NRG3: variants seen among roughly 807,000 people sequenced by gnomAD.
NRG3 encodes the protein neuregulin 3.
A neutral mutation model predicts 66.9 loss-of-function variants in NRG3; 31 were observed. That is an observed-to-expected ratio of 0.46 (90% confidence interval 0.35 to 0.63). NRG3 has a LOEUF of 0.63. Ranked by LOEUF, NRG3 falls within the 20% of genes least tolerant of loss-of-function variation. The pLI is 0.00. For synonymous variants in NRG3, 393 were observed against 359.4 expected, an observed-to-expected ratio of 1.09 and a Z score of -1.06; for missense variants, 910 against 878.9, an observed-to-expected ratio of 1.04 and a Z score of -0.45.
Position 81,887,409 on chromosome 10 carries a change from A to G in NRG3, c.823+11246A>G, listed in dbSNP as rs552727438. 5.9e-5 allele frequency among the ~76,000 whole-genome samples: 9 copies of G among 152,280 alleles called. 1 individual carries two copies. Among genetic ancestry groups the G allele is most frequent in the Middle Eastern group, 3.4e-3 (1 of 294 alleles). On this transcript the variant is annotated intron_variant, in intron 1 of 8. Transcript: ENST00000372141. ...ACAAGGATATAGCCAACAGAAATCAATAAGTTATATACACATATTAATCAA... is the reference window on the plus strand; with the variant it reads ...ACAAGGATATAGCCAACAGAAATCAGTAAGTTATATACACATATTAATCAA...
chr10:82,362,535 A>C (rs538234314), intron 2 of NRG3, among the ~76,000 whole-genome samples: 2 of 113,128 alleles, frequency 1.8e-5, no homozygotes, highest in Non-Finnish European at 3.5e-5. Flanking sequence ...CACCATGCCC[A>C]GATAATTTCT....
At chr10:82,488,835 C>A (rs1842884971) in intron 2 of NRG3, among the ~76,000 whole-genome samples, 1 of 152,144 alleles carries the variant, frequency 6.6e-6, no homozygotes, top group African/African-American at 2.4e-5. Flanking sequence ...TGAAGATCTT[C>A]ATACCATAGG....
chr10:82,426,866 G>C (rs1170550937), intron 2 of NRG3, among the ~76,000 whole-genome samples: 1 of 151,812 alleles, frequency 6.6e-6, no homozygotes, highest in Non-Finnish European at 1.5e-5. Context: ...TTCCAGACTG[G>C]TCTCGAACTC....
intron 2 of NRG3, among the ~76,000 whole-genome samples, chr10:82,590,010 C>T (rs1046113089): frequency 2.0e-5 from 3 of 152,090 alleles, no homozygotes; most frequent in Admixed American, 6.5e-5. Context: ...TTATTTCAAC[C>T]TCCCACCCAT....
In NRG3 at chr10:82,400,711, G is replaced by A. The variant is rs111966647; in HGVS notation, c.953+41843G>A. ...GCCTCCTGAGTAGCTAGGACAATAG[G>A]CATGCACCACCACACCTGGCTAATT... On this transcript the variant is annotated intron_variant, in intron 2 of 8. Transcript: ENST00000372141. Among the ~76,000 whole-genome samples, 841 of 151,898 alleles carry A rather than the reference G, an allele frequency of 5.5e-3. 8 individuals carry two copies. The highest frequency in any genetic ancestry group is 0.02 in the African/African-American group (817 of 41,406).
At chr10:82,691,800 C>A (rs537003852) in intron 2 of NRG3, among the ~76,000 whole-genome samples, 1 of 152,262 alleles carries the variant, frequency 6.6e-6, no homozygotes, top group East Asian at 1.9e-4. Flanking sequence ...TGATGAGGCG[C>A]CAAAGTCCAG....
chr10:82,291,704 A>C (rs971691877), intron 1 of NRG3, among the ~76,000 whole-genome samples: 1 of 152,226 alleles, frequency 6.6e-6, no homozygotes. Context: ...AATTCAATGC[A>C]TGCAGGATAC....
chr10:81,941,831 C>G (rs1848428927), intron 1 of NRG3, among the ~76,000 whole-genome samples: 1 of 152,146 alleles, frequency 6.6e-6, no homozygotes, highest in South Asian at 2.1e-4. Context: ...GGATATCCAT[C>G]CTCTTTCAAC....
chr10:82,903,620 G>A (rs897940765), intron 4 of NRG3, among the ~76,000 whole-genome samples: 1 of 152,128 alleles, frequency 6.6e-6, no homozygotes, highest in Non-Finnish European at 1.5e-5. Context: ...ATAAAGCACA[G>A]TACTTCAAAT....
At chr10:82,440,341 T>A (rs2090369871) in intron 2 of NRG3, among the ~76,000 whole-genome samples, 1 of 150,744 alleles carries the variant, frequency 6.6e-6, no homozygotes, top group Non-Finnish European at 1.5e-5. Flanking sequence ...AAAAAATCCT[T>A]TCTACTAGTT....
chr10:81,977,421 C>T (rs527722947), intron 1 of NRG3, among the ~76,000 whole-genome samples: 1 of 152,218 alleles, frequency 6.6e-6, no homozygotes, highest in South Asian at 2.1e-4. Context: ...CAAACTCAAG[C>T]AATGTATTTC....
At chr10:82,182,077 T>G (rs1001336954) in intron 1 of NRG3, among the ~76,000 whole-genome samples, 1 of 151,202 alleles carries the variant, frequency 6.6e-6, no homozygotes, top group Non-Finnish European at 1.5e-5. Flanking sequence ...CCTGCTCTAT[T>G]TTTTTTTCTT....
intron 1 of NRG3, among the ~76,000 whole-genome samples, chr10:81,985,132 T>A (rs2133506854): frequency 6.6e-6 from 1 of 152,326 alleles, no homozygotes; most frequent in Non-Finnish European, 1.5e-5. Context: ...TCTAAGGGTT[T>A]TCATGTTAAT....
At chr10:82,542,454 T>C (rs889403158) in intron 2 of NRG3, among the ~76,000 whole-genome samples, 4 of 152,166 alleles carry the variant, frequency 2.6e-5, no homozygotes, top group Non-Finnish European at 5.9e-5. Context: ...GAATATAAAC[T>C]GATAGAAATT....
intron 2 of NRG3, among the ~76,000 whole-genome samples, chr10:82,618,200 A>G (rs141367353): frequency 7.7e-4 from 118 of 152,296 alleles, no homozygotes; most frequent in Non-Finnish European, 1.4e-3. Context: ...CCTCTTTGTC[A>G]TCATCATTTC....
chr10:82,030,143 T>G (rs1442365123), intron 1 of NRG3, among the ~76,000 whole-genome samples: 1 of 152,072 alleles, frequency 6.6e-6, no homozygotes, highest in Non-Finnish European at 1.5e-5. Context: ...GTCTTTGGCT[T>G]GAGGCTGATC....
intron 1 of NRG3, among the ~76,000 whole-genome samples, chr10:82,322,920 T>C (rs1304201262): frequency 1.3e-5 from 2 of 152,214 alleles, no homozygotes; most frequent in Non-Finnish European, 2.9e-5. Context: ...AAAAAGAGTC[T>C]CTTCCTCCCA....
chr10:82,233,167 A>G (rs754268516), intron 1 of NRG3, among the ~76,000 whole-genome samples: 2 of 152,186 alleles, frequency 1.3e-5, no homozygotes, highest in African/African-American at 2.4e-5. Context: ...GATCAAGACC[A>G]TCCTGGCTAA....
intron 2 of NRG3, among the ~76,000 whole-genome samples, chr10:82,434,310 CTT>C (rs2089997777): frequency 6.6e-6 from 1 of 152,038 alleles, no homozygotes; most frequent in Non-Finnish European, 1.5e-5. Flanking sequence ...TATCCTGAGA[CTT>C]TGCTGAAGTT....
Sources: gnomAD v4.1 joint callset for allele counts (sites outside exome capture counted in the v4.1 genomes callset) on GRCh38, gnomAD v4.1.1 for gene constraint, MANE v1.5 for transcripts, NCBI Gene and HGNC (gene_info 2026-07-23, HGNC 2026-07-21) for gene names.